LYPD8: variants seen among roughly 807,000 people sequenced by gnomAD.
The protein encoded by LYPD8 is LY6/PLAUR domain containing 8, also known as ly6/PLAUR domain-containing protein 8.
A neutral mutation model predicts 1.7 loss-of-function variants in LYPD8; 8 were observed. The observed-to-expected ratio is 4.58, with a 90% confidence interval of 2.69 to 8.27. LYPD8 has a LOEUF of 8.27. Ranked by LOEUF, LYPD8 falls within the 30% of genes most tolerant of loss-of-function variation. The pLI is 0.00. For missense variants in LYPD8, 112 were observed against 102.3 expected, an observed-to-expected ratio of 1.09 and a Z score of -0.41; for synonymous variants, 50 against 43.6, an observed-to-expected ratio of 1.15 and a Z score of -0.58.
chr1:248,741,331 T>G (rs766245080), intron 6 of LYPD8, among the ~76,000 whole-genome samples: 3 of 152,146 alleles, frequency 2.0e-5, no homozygotes, highest in Non-Finnish European at 1.5e-5. Context: ...CTCAGCCCCC[T>G]GAGTAGTACG....
chr1:248,745,586 C>A (rs1247373300), intron 5 of LYPD8, among the ~76,000 whole-genome samples: 1 of 152,302 alleles, frequency 6.6e-6, no homozygotes, highest in East Asian at 1.9e-4. Flanking sequence ...CATTAGCTAG[C>A]CATCCTGAAC....
In LYPD8 at chr1:248,739,744, C is replaced by T. The variant is rs1553283078; in HGVS notation, c.581G>A (p.Arg194Gln). The T allele has an allele frequency of 1.7e-5, 26 of 1,551,580 alleles. No individual in the cohort carries two copies. The highest frequency in any genetic ancestry group is 1.4e-4 in the Admixed American group (7 of 50,992). ...GTTTACATTTGCACACTCAAACTTTCGAAAGATGACTCCTCCAAGAGTCTT... is the reference window on the plus strand; with the variant it reads ...GTTTACATTTGCACACTCAAACTTTTGAAAGATGACTCCTCCAAGAGTCTT... ...ENKTLGGVIFRKFECANVNSL... is the reference protein window; with the variant it reads ...ENKTLGGVIFQKFECANVNSL... The change falls in exon 7 of 7, where the codon CGA becomes CAA. Residue 194 changes from arginine to glutamine, a missense_variant. By Grantham distance (43) the Arg-to-Gln change is conservative (BLOSUM62 1). Coordinates refer to ENST00000590317, the MANE Select transcript of LYPD8 (RefSeq NM_001085474.2). This position sits in a 1 kb window ranked among gnomAD's most constrained non-coding sequence, Gnocchi z 4.3.
At chr1:248,754,733 G>A (rs948363828) in intron 2 of LYPD8, among the ~76,000 whole-genome samples, 1 of 152,146 alleles carries the variant, frequency 6.6e-6, no homozygotes, top group Non-Finnish European at 1.5e-5. Flanking sequence ...CATACATGAT[G>A]CCAATGACCC....
Position 248,745,199 on chromosome 1 carries a change from G to T in LYPD8, c.418C>A (p.Pro140Thr), listed in dbSNP as rs1404834978. ...TGTTCTTCTTCATAGCATTTCCAGG[G>T]CTTCCCATGACAGGAAGTTCCATTA... ...ESNGTSCHGKPWKCYEEEQCV... is the reference protein window; with the variant it reads ...ESNGTSCHGKTWKCYEEEQCV... The change falls in exon 6 of 7, where the codon CCC becomes ACC. Residue 140 changes from proline to threonine, a missense_variant. Pro to Thr is a conservative substitution (Grantham distance 38). Coordinates refer to ENST00000590317, the MANE Select transcript of LYPD8 (RefSeq NM_001085474.2). The T allele has an allele frequency of 5.0e-6, 2 of 398,408 alleles. No homozygotes were observed. The highest frequency in any genetic ancestry group is 4.1e-5 in the African/African-American group (2 of 48,562). 24.7% of individuals were successfully genotyped at this position (398,408 alleles called of 1,614,324 possible). A position where few individuals can be genotyped will look rare whatever the true frequency, so the allele number is the denominator to read the frequency against.
At chr1:248,744,631 G>GTCAAATGTGGATCTCACAATGGGTAGTA (rs1662695347) in intron 6 of LYPD8, among the ~76,000 whole-genome samples, 2 of 131,762 alleles carry the variant, frequency 1.5e-5, no homozygotes, top group African/African-American at 6.8e-5. Flanking sequence ...AATGGGTAGT[G>GTCAAATGTGGATCTCACAATGGGTAGTA]TCAAATGTGT....
At chr1:248,752,848 C>A (rs1662835253) in intron 2 of LYPD8, among the ~76,000 whole-genome samples, 3 of 120,906 alleles carry the variant, frequency 2.5e-5, no homozygotes, top group South Asian at 2.8e-4. Context: ...CCCACACACA[C>A]ACACCACACC....
At chr1:248,743,977 T>TA in intron 6 of LYPD8, among the ~76,000 whole-genome samples, 1 of 152,254 alleles carries the variant, frequency 6.6e-6, no homozygotes, top group East Asian at 1.9e-4. Context: ...TTTAACTTTT[T>TA]AACTAGTTAA....
chr1:248,754,223 CACCACACACATTA>C (rs1662888458), intron 2 of LYPD8, among the ~76,000 whole-genome samples: 4 of 151,082 alleles, frequency 2.6e-5, no homozygotes, highest in African/African-American at 7.3e-5. Context: ...ACATACAACA[CACCACACACATTA>C]AACACACACC....
At chr1:248,742,717 T>C (rs1440668716) in intron 6 of LYPD8, among the ~76,000 whole-genome samples, 13 of 60,908 alleles carry the variant, frequency 2.1e-4, no homozygotes, top group South Asian at 8.5e-4. Flanking sequence ...GGGGAGATTA[T>C]GCTCTGGTGG....
At chr1:248,743,635 C>T (rs574001140) in intron 6 of LYPD8, among the ~76,000 whole-genome samples, 103 of 152,306 alleles carry the variant, frequency 6.8e-4, no homozygotes, top group African/African-American at 1.8e-3. Context: ...TAAACTCTTA[C>T]GCTTTTGAGC....
chr1:248,753,281 ACACACACACAC>A (rs1662858442), intron 2 of LYPD8, among the ~76,000 whole-genome samples: 1 of 63,762 alleles, frequency 1.6e-5, no homozygotes, highest in Non-Finnish European at 3.0e-5. Context: ...ACACCACACA[ACACACACACAC>A]CACACACACC....
At chr1:248,755,157 CA>C (rs1401489415) in intron 2 of LYPD8, 81 bp downstream of exon 2, 1 of 152,300 alleles carries the variant, frequency 6.6e-6, no homozygotes, top group Non-Finnish European at 1.5e-5. Context: ...GGAGTGACCC[CA>C]TAGCAGGACC....
At position 248,752,806 on chromosome 1, in the gene LYPD8, A is replaced by AC. The variant is rs1662832474; in HGVS notation, c.-49-1677_-49-1676insG. Reference sequence around the variant, plus strand: ...ACACCACACACACACCACACCCCACAACACACACACATCACATCACACACA... The same window carrying AC: ...ACACCACACACACACCACACCCCACACACACACACACATCACATCACACACA... On this transcript the variant is annotated intron_variant, in intron 2 of 6. Transcript: ENST00000590317. Among the ~76,000 whole-genome samples the AC allele has an allele frequency of 2.6e-4, 19 of 73,920 alleles. 1 individual carries two copies. Among genetic ancestry groups the AC allele is most frequent in the Admixed American group, 2.3e-3 (17 of 7,272 alleles). 48.5% of individuals were successfully genotyped at this position (73,920 alleles called of 152,430 possible). A position where few individuals can be genotyped will look rare whatever the true frequency, so the allele number is the denominator to read the frequency against.
intron 6 of LYPD8, among the ~76,000 whole-genome samples, chr1:248,742,675 G>T (rs1346474506): frequency 1.1e-4 from 9 of 78,416 alleles, no homozygotes; most frequent in African/African-American, 3.5e-4. Context: ...GGCAGCCGGG[G>T]AGATTACGCT....
chr1:248,741,567 A>T (rs1306298643), intron 6 of LYPD8, among the ~76,000 whole-genome samples: 2 of 152,132 alleles, frequency 1.3e-5, no homozygotes, highest in Admixed American at 1.3e-4. Flanking sequence ...CTACTGTATT[A>T]AAAAAAGTGA....
At position 248,752,330 on chromosome 1, in the gene LYPD8, G is replaced by A. The variant is rs1662812551; in HGVS notation, c.-49-1200C>T. Among the ~76,000 whole-genome samples, 3 of 152,040 alleles carry A rather than the reference G, an allele frequency of 2.0e-5. No individual in the cohort carries two copies. In the South Asian group the frequency reaches 6.2e-4, roughly 31 times the overall value. ...GAAACCTGCAGCACAGAGGGACGAC[G>A]AAGTAACCCAAGCTCGCTCGGCTCC... On this transcript the variant is annotated intron_variant, in intron 2 of 6. Coordinates refer to ENST00000590317, the MANE Select transcript of LYPD8 (RefSeq NM_001085474.2).
intron 2 of LYPD8, among the ~76,000 whole-genome samples, chr1:248,751,853 C>T (rs888245805): frequency 6.6e-6 from 1 of 152,220 alleles, no homozygotes; most frequent in South Asian, 2.1e-4. Flanking sequence ...ATCAGAGTCC[C>T]CCATGCACTT....
At chr1:248,752,976 CACACA>C (rs1662842070) in intron 2 of LYPD8, among the ~76,000 whole-genome samples, 1 of 118,772 alleles carries the variant, frequency 8.4e-6, no homozygotes, top group Non-Finnish European at 1.7e-5. Flanking sequence ...ACACAACACA[CACACA>C]ACACAACACA....
chr1:248,748,179 G>A lies in LYPD8; in HGVS notation c.337+110C>T, dbSNP rs1224281474. The A allele has an allele frequency of 4.0e-5, 8 of 201,792 alleles. No individual in the cohort carries two copies. The African/African-American group carries it at 5.3e-4, about 13-fold the overall frequency. 12.5% of individuals were successfully genotyped at this position (201,792 alleles called of 1,614,324 possible). A position where few individuals can be genotyped will look rare whatever the true frequency, so the allele number is the denominator to read the frequency against. ...CCAGCACCCACCCAGGGCATCGCCC[G>A]CACGGCCAGCACCCACCCAGGGCAT... On this transcript the variant is annotated intron_variant, in intron 5 of 6. Coordinates refer to ENST00000590317, the MANE Select transcript of LYPD8 (RefSeq NM_001085474.2).
Sources: gnomAD v4.1 joint callset for allele counts (sites outside exome capture counted in the v4.1 genomes callset) on GRCh38, gnomAD v4.1.1 for gene constraint, Gnocchi (gnomAD v3.1) non-coding constraint, MANE v1.5 for transcripts, NCBI Gene and HGNC (gene_info 2026-07-23, HGNC 2026-07-21) for gene names.